Variants in EFHD1 observed in about 807,000 individuals in gnomAD.
EFHD1 encodes the protein EF-hand domain family member D1, also known as EF-hand domain-containing protein D1.
EFHD1 carries 10 observed loss-of-function variants against 17.2 expected under a neutral mutation model. The ratio of observed to expected loss-of-function variants is 0.58; its 90% CI spans 0.36 to 0.99. EFHD1 has a LOEUF of 0.99. EFHD1 is among the 50% of genes least tolerant of loss of function. EFHD1 has a pLI of 0.01. For synonymous variants in EFHD1, 153 were observed against 142.0 expected (o/e 1.08, Z -0.55); for missense variants, 310 against 327.5 (o/e 0.95, Z 0.41).
At chr2:232,673,520 C>G (rs1288637744) in intron 3 of EFHD1, among the ~76,000 whole-genome samples, 1 of 152,146 alleles carries the variant, frequency 6.6e-6, no homozygotes, top group African/African-American at 2.4e-5. Flanking sequence ...ACTGGATCTC[C>G]TGTCCCCTCT....
intron 1 of EFHD1, among the ~76,000 whole-genome samples, chr2:232,628,185 T>C (rs1694142465): frequency 6.6e-6 from 1 of 152,122 alleles, no homozygotes; most frequent in African/African-American, 2.4e-5. Flanking sequence ...CTCAGCCTCC[T>C]GAGTAGCTGG....
At chr2:232,662,557 A>G (rs1269659325) in intron 1 of EFHD1, among the ~76,000 whole-genome samples, 2 of 152,136 alleles carry the variant, frequency 1.3e-5, no homozygotes, top group East Asian at 3.9e-4. Flanking sequence ...TCCAGAAATT[A>G]TGGTTTAGTT....
chr2:232,617,301 T>A (rs1418683249), intron 1 of EFHD1, among the ~76,000 whole-genome samples: 1 of 152,186 alleles, frequency 6.6e-6, no homozygotes, highest in Non-Finnish European at 1.5e-5. Context: ...TTAACAAACT[T>A]CAGCATCAAC....
intron 1 of EFHD1, among the ~76,000 whole-genome samples, chr2:232,654,416 C>CTTT (rs539954632): frequency 0.022 from 2,127 of 94,546 alleles, 149 homozygotes; most frequent in African/African-American, 0.059. Flanking sequence ...TTCTTTCTTT[C>CTTT]TTTTTTTTTT....
intron 2 of EFHD1, among the ~76,000 whole-genome samples, chr2:232,664,772 C>A (rs1327817116): frequency 6.6e-6 from 1 of 151,734 alleles, no homozygotes; most frequent in Non-Finnish European, 1.5e-5. Context: ...TGCCACCACG[C>A]CTGGCTAATT....
intron 1 of EFHD1, among the ~76,000 whole-genome samples, chr2:232,611,307 CG>C (rs35359382): frequency 0.27 from 41,015 of 151,524 alleles, 6,920 homozygotes; most frequent in Middle Eastern, 0.45. Flanking sequence ...TCCTGGGGGT[CG>C]GGGGGGGGGC....
intron 1 of EFHD1, among the ~76,000 whole-genome samples, chr2:232,619,600 G>C (rs925747252): frequency 6.6e-6 from 1 of 152,120 alleles, no homozygotes; most frequent in Non-Finnish European, 1.5e-5. Context: ...GTGAGCCACT[G>C]TGCCCAGCCA....
chr2:232,638,209 A>C, intron 1 of EFHD1: 1 of 375,340 alleles, frequency 2.7e-6, no homozygotes, highest in Non-Finnish European at 5.4e-6. Context: ...AGGAAATTTT[A>C]ATTACCCTGG....
chr2:232,606,316 T>C, intron 1 of EFHD1: 1 of 1,003,208 alleles, frequency 1.0e-6, no homozygotes, highest in Non-Finnish European at 1.5e-6. Flanking sequence ...CTCGCTTCCC[T>C]GCCCCGCGCA....
intron 1 of EFHD1, among the ~76,000 whole-genome samples, chr2:232,642,663 C>A (rs540222298): frequency 3.9e-5 from 6 of 152,180 alleles, no homozygotes; most frequent in East Asian, 1.9e-4. Flanking sequence ...TTATAGTGTT[C>A]CCCATTGAAA....
upstream of EFHD1, among the ~76,000 whole-genome samples, chr2:232,629,765 G>A (rs1295226985): frequency 2.7e-5 from 4 of 150,732 alleles, no homozygotes; most frequent in Admixed American, 6.6e-5. Flanking sequence ...CACCACGCCC[G>A]GCCAAAAAAA....
In EFHD1 at chr2:232,650,563, T is replaced by TGCAGGCG. The variant is rs1239884866; in HGVS notation, c.303-12239_303-12238insGCAGGCG. Among the ~76,000 whole-genome samples, 13 of 19,404 alleles carry TGCAGGCG rather than the reference T, an allele frequency of 6.7e-4. 2 individuals are homozygous for TGCAGGCG. In the African/African-American group the frequency reaches 7.1e-3, roughly 11 times the overall value. 12.7% of individuals were successfully genotyped at this position (19,404 alleles called of 152,430 possible). A position where few individuals can be genotyped will look rare whatever the true frequency, so the allele number is the denominator to read the frequency against. ...CCCGCCTCGGCCTCCCAAAGTGCTTTTTTTTTTTTTTTTTTTTTTTTTTGA... is the reference window on the plus strand; with the variant it reads ...CCCGCCTCGGCCTCCCAAAGTGCTTTGCAGGCGTTTTTTTTTTTTTTTTTTTTTTTGA... On this transcript the variant is annotated intron_variant, in intron 1 of 3. Transcript: ENST00000264059.
At chr2:232,661,046 G>T (rs1261090698) in intron 1 of EFHD1, among the ~76,000 whole-genome samples, 2 of 151,962 alleles carry the variant, frequency 1.3e-5, no homozygotes, top group Non-Finnish European at 2.9e-5. Context: ...TACTTGGGAG[G>T]CTGAGGCACT....
chr2:232,606,305 C>A, intron 1 of EFHD1: 1 of 1,071,000 alleles, frequency 9.3e-7, no homozygotes, highest in Non-Finnish European at 1.4e-6. Context: ...CACTCCCGGC[C>A]CTCGCTTCCC....
At chr2:232,649,864 A>G (rs1694607261) in intron 1 of EFHD1, 1 of 152,254 alleles carries the variant, frequency 6.6e-6, no homozygotes, top group South Asian at 2.1e-4. Flanking sequence ...GCGTGGTGAT[A>G]CATGCCTGGA....
intron 2 of EFHD1, among the ~76,000 whole-genome samples, chr2:232,666,747 T>C (rs1291419189): frequency 6.6e-6 from 1 of 152,230 alleles, no homozygotes; most frequent in Non-Finnish European, 1.5e-5. Context: ...GTCCCATCTC[T>C]AGTAGCTGCA....
intron 2 of EFHD1, among the ~76,000 whole-genome samples, chr2:232,665,492 G>A (rs1409015770): frequency 2.6e-5 from 4 of 151,798 alleles, no homozygotes; most frequent in African/African-American, 7.3e-5. Context: ...TGCAATCTCG[G>A]CTCAGTGCAA....
chr2:232,655,047 G>A (rs1694735498), intron 1 of EFHD1, among the ~76,000 whole-genome samples: 1 of 152,162 alleles, frequency 6.6e-6, no homozygotes, highest in Non-Finnish European at 1.5e-5. Flanking sequence ...TGTCCCAAAT[G>A]ATTGGCGTGT....
intron 1 of EFHD1, among the ~76,000 whole-genome samples, chr2:232,637,250 T>G (rs1186628134): frequency 2.6e-5 from 4 of 152,062 alleles, no homozygotes; most frequent in Admixed American, 2.0e-4. Flanking sequence ...ATTCTTGGTA[T>G]TTCTTGTGGT....
Sources: allele counts gnomAD v4.1 joint callset (sites outside exome capture counted in the v4.1 genomes callset), GRCh38; gene constraint gnomAD v4.1.1; transcripts MANE v1.5; gene names NCBI Gene and HGNC (gene_info 2026-07-23, HGNC 2026-07-21).